The following CAMTA1 variants were observed in gnomAD, a reference collection of about 807,000 sequenced individuals.
The protein encoded by CAMTA1 is calmodulin binding transcription activator 1.
A neutral mutation model predicts 170.9 loss-of-function variants in CAMTA1; 27 were observed. That is an observed-to-expected ratio of 0.16 (90% CI 0.12 to 0.22). The LOEUF (loss-of-function observed/expected upper bound fraction) is 0.22, where lower values mean the gene tolerates loss of function less well. Among genes scored for constraint, CAMTA1 ranks in the 10% least tolerant of loss-of-function variants. CAMTA1 has a pLI of 1.00. For synonymous variants in CAMTA1, 833 were observed against 891.5 expected (o/e 0.93, Z 1.17); for missense variants, 1,619 against 2,217.2 (o/e 0.73, Z 5.42).
Position 7,067,154 on chromosome 1 carries a change from G to C in CAMTA1, c.235-24150G>C, listed in dbSNP as rs1709063265. Among the ~76,000 whole-genome samples, 1 of 152,220 alleles carries C rather than the reference G, an allele frequency of 6.6e-6. No homozygotes were observed. Among genetic ancestry groups the C allele is most frequent in the Admixed American group, 6.5e-5 (1 of 15,288 alleles). ...TGTCTCATCAGAAGTTGGCTGGAGT[G>C]TTGGGAATTGGAAGGGCAGGGAGGT... On this transcript the variant is annotated intron_variant, in intron 3 of 22. Coordinates refer to ENST00000303635, the MANE Select transcript of CAMTA1 (RefSeq NM_015215.4). This position sits in a 1 kb window ranked among gnomAD's most constrained non-coding sequence, Gnocchi z 4.3.
intron 5 of CAMTA1, among the ~76,000 whole-genome samples, chr1:7,303,249 C>T (rs958731066): frequency 1.3e-5 from 2 of 152,162 alleles, no homozygotes; most frequent in Admixed American, 1.3e-4. Context: ...TCTTAAAGAG[C>T]ATGGCTTCAG....
At chr1:7,318,279 A>G (rs1420865060) in intron 5 of CAMTA1, among the ~76,000 whole-genome samples, 1 of 152,202 alleles carries the variant, frequency 6.6e-6, no homozygotes, top group African/African-American at 2.4e-5. Flanking sequence ...AATTTCAGGC[A>G]TTGGGTCAGC....
intron 6 of CAMTA1, among the ~76,000 whole-genome samples, chr1:7,636,957 A>G (rs752006140): frequency 2.0e-5 from 3 of 152,238 alleles, no homozygotes; most frequent in Non-Finnish European, 4.4e-5. Flanking sequence ...CCACCCTACT[A>G]TGGTAGAGGC....
At chr1:7,667,741 A>ATGGCAGCC (rs113247920) in intron 9 of CAMTA1, among the ~76,000 whole-genome samples, 2,449 of 152,260 alleles carry the variant, frequency 0.016, 59 homozygotes, top group African/African-American at 0.055. Flanking sequence ...CAGGAACGCA[A>ATGGCAGCC]TGGCAGCCTG....
chr1:7,423,982 G>T (rs2091733965), intron 5 of CAMTA1, among the ~76,000 whole-genome samples: 1 of 152,144 alleles, frequency 6.6e-6, no homozygotes, highest in African/African-American at 2.4e-5. Context: ...GGAGCACTGT[G>T]AGCTATTTGG....
chr1:7,042,655 C>T (rs888888440), intron 3 of CAMTA1, among the ~76,000 whole-genome samples: 6 of 152,188 alleles, frequency 3.9e-5, no homozygotes, highest in Non-Finnish European at 7.4e-5. Context: ...CAGGTTGGAG[C>T]GCGGAGGCCT....
chr1:6,860,718 C>T (rs930435240), intron 3 of CAMTA1, among the ~76,000 whole-genome samples: 7 of 152,046 alleles, frequency 4.6e-5, no homozygotes, highest in Non-Finnish European at 8.8e-5. Context: ...CAAGACCAGC[C>T]TGGCCAACAT....
chr1:6,800,388 C>CA (rs1325890114), intron 1 of CAMTA1, among the ~76,000 whole-genome samples: 1 of 152,006 alleles, frequency 6.6e-6, no homozygotes, highest in Non-Finnish European at 1.5e-5. Context: ...GTCTGGATGA[C>CA]AGAGTGAGAT....
At chr1:7,088,396 G>A (rs538922023) in intron 3 of CAMTA1, among the ~76,000 whole-genome samples, 19 of 152,268 alleles carry the variant, frequency 1.2e-4, no homozygotes, top group Admixed American at 3.9e-4. Flanking sequence ...AGGTGACCCC[G>A]TAACAGCACT....
chr1:7,670,092 C>A (rs768012788), intron 9 of CAMTA1, among the ~76,000 whole-genome samples: 1 of 152,222 alleles, frequency 6.6e-6, no homozygotes, highest in Non-Finnish European at 1.5e-5. Context: ...GGTCCTCCCC[C>A]CTGGAGCTGA....
At position 6,822,355 on chromosome 1, in the gene CAMTA1, C is replaced by G. The variant is rs929962023; in HGVS notation, c.115+2105C>G. 2.8e-4 allele frequency among the ~76,000 whole-genome samples: 42 copies of G among 152,300 alleles called. No homozygotes were observed. The Middle Eastern group carries it at 0.014, about 49-fold the overall frequency. The stretch of plus-strand genomic sequence containing the variant: ...TTTCCAGTGTAAAATCAAAGTTTCT[C>G]TGTATCCCACTTCACCTGTAGAAAC... On this transcript the variant is annotated intron_variant, in intron 2 of 22. Transcript: ENST00000303635.
rs914605441 is a variant in CAMTA1, at chr1:7,273,222, A to G, written c.438+23596A>G. Among the ~76,000 whole-genome samples the G allele has an allele frequency of 3.9e-5, 6 of 152,250 alleles. No individual in the cohort carries two copies. The East Asian group carries it at 9.6e-4, about 24-fold the overall frequency. On this transcript the variant is annotated intron_variant, in intron 5 of 22. Transcript: ENST00000303635. ...TCAGAATGTTAAACATTGAGTTACC[A>G]GAAGACCCAGCAATTTCACTCATAG...
intron 6 of CAMTA1, among the ~76,000 whole-genome samples, chr1:7,594,205 G>GGAAGGAAA (rs1371518457): frequency 8.2e-6 from 1 of 122,486 alleles, no homozygotes; most frequent in African/African-American, 3.3e-5. Context: ...GGGAGGGGAA[G>GGAAGGAAA]GAAGGAAGGA....
chr1:7,713,339 G>A (rs889556259), intron 11 of CAMTA1, among the ~76,000 whole-genome samples: 3 of 152,192 alleles, frequency 2.0e-5, no homozygotes, highest in Non-Finnish European at 4.4e-5. Flanking sequence ...TCCTAACTCG[G>A]AGACTGTCTA....
intron 5 of CAMTA1, among the ~76,000 whole-genome samples, chr1:7,315,121 C>A (rs1423443414): frequency 6.6e-6 from 1 of 152,118 alleles, no homozygotes; most frequent in Non-Finnish European, 1.5e-5. Flanking sequence ...TTTCATTGCC[C>A]CTTCTCCTGG....
chr1:7,336,746 G>T lies in CAMTA1; in HGVS notation c.438+87120G>T, dbSNP rs138206520. ...CCTTGATCGCATTTCTCTGTTTCAC[G>T]TCCCGAGGTGGGCAGGGGGCTGGGA... On this transcript the variant is annotated intron_variant, in intron 5 of 22. Transcript: ENST00000303635. 2.4e-3 allele frequency among the ~76,000 whole-genome samples: 373 copies of T among 152,286 alleles called. 1 individual carries two copies. The highest frequency in any genetic ancestry group is 3.7e-3 in the Non-Finnish European group (250 of 68,012).
intron 11 of CAMTA1, among the ~76,000 whole-genome samples, chr1:7,725,926 A>G (rs1345987870): frequency 2.0e-5 from 3 of 152,142 alleles, no homozygotes; most frequent in Non-Finnish European, 2.9e-5. Context: ...ACACAGACTC[A>G]CAGCCTCCAG....
chr1:7,007,871 C>T lies in CAMTA1; in HGVS notation c.235-83433C>T, dbSNP rs961049555. ...ACAGTAGGCACTCAATGGTTGTAAA[C>T]TGTATCCACCTACAAAGCCCCTAGA... is the stretch of plus-strand genomic sequence containing the variant. On this transcript the variant is annotated intron_variant, in intron 3 of 22. Coordinates refer to ENST00000303635, the MANE Select transcript of CAMTA1 (RefSeq NM_015215.4). The surrounding 1 kb of genome is among the most constrained non-coding windows in gnomAD (Gnocchi z 4.5). 1.3e-5 allele frequency among the ~76,000 whole-genome samples: 2 copies of T among 152,208 alleles called. No individual in the cohort carries two copies. Among genetic ancestry groups the T allele is most frequent in the African/African-American group, 4.8e-5 (2 of 41,464 alleles).
intron 3 of CAMTA1, among the ~76,000 whole-genome samples, chr1:6,941,488 A>G (rs984244977): frequency 2.6e-5 from 4 of 152,130 alleles, no homozygotes; most frequent in Admixed American, 2.6e-4. Flanking sequence ...TCCCCTAGAC[A>G]CTGACCCGAG....
Sources: gnomAD v4.1 joint callset for allele counts (sites outside exome capture counted in the v4.1 genomes callset) on GRCh38, gnomAD v4.1.1 for gene constraint, Gnocchi (gnomAD v3.1) non-coding constraint, MANE v1.5 for transcripts, NCBI Gene and HGNC (gene_info 2026-07-23, HGNC 2026-07-21) for gene names.